CSMD1: variants seen among roughly 807,000 people sequenced by gnomAD.
The protein encoded by CSMD1 is CUB and sushi domain-containing protein 1.
A neutral mutation model predicts 417.5 loss-of-function variants in CSMD1; 213 were observed. The observed-to-expected ratio is 0.51, with a 90% CI of 0.46 to 0.57. The LOEUF (loss-of-function observed/expected upper bound fraction) is 0.57. CSMD1 is among the 20% of genes least tolerant of loss of function. CSMD1 has a pLI of 0.00. For missense variants in CSMD1, 6,923 were observed against 4,529.7 expected, an observed-to-expected ratio of 1.53 and a Z score of -15.17; for synonymous variants, 2,862 against 1,736.8, an observed-to-expected ratio of 1.65 and a Z score of -16.11.
intron 1 of CSMD1, among the ~76,000 whole-genome samples, chr8:4,766,676 C>A (rs991718954): frequency 3.9e-5 from 6 of 152,196 alleles, no homozygotes; most frequent in Non-Finnish European, 7.3e-5. Context: ...CCCATGGTGG[C>A]TCCTGAGGGA....
intron 5 of CSMD1, among the ~76,000 whole-genome samples, chr8:3,928,129 T>G (rs760883480): frequency 6.6e-6 from 1 of 152,148 alleles, no homozygotes; most frequent in Admixed American, 6.5e-5. Flanking sequence ...AAACTATCTA[T>G]AGATTTAATT....
At chr8:3,095,023 A>T (rs561077451) in intron 47 of CSMD1, among the ~76,000 whole-genome samples, 1 of 152,300 alleles carries the variant, frequency 6.6e-6, no homozygotes, top group East Asian at 1.9e-4. Context: ...CCTGTTGTTT[A>T]TAATGGCTAT....
intron 3 of CSMD1, among the ~76,000 whole-genome samples, chr8:4,110,656 G>T (rs369580043): frequency 6.6e-6 from 1 of 152,026 alleles, no homozygotes; most frequent in East Asian, 1.9e-4. Flanking sequence ...GTGCATGTGT[G>T]TGTTTCTATA....
At chr8:4,254,327 C>A (rs896452688) in intron 3 of CSMD1, among the ~76,000 whole-genome samples, 3 of 152,110 alleles carry the variant, frequency 2.0e-5, no homozygotes, top group Non-Finnish European at 4.4e-5. Flanking sequence ...TGATAACATT[C>A]GTTCTATGGA....
intron 3 of CSMD1, among the ~76,000 whole-genome samples, chr8:4,053,474 G>A (rs559586542): frequency 6.6e-6 from 1 of 151,832 alleles, no homozygotes; most frequent in African/African-American, 2.4e-5. Flanking sequence ...TCAAGGTTTT[G>A]GCCAACGCAA....
intron 21 of CSMD1, among the ~76,000 whole-genome samples, chr8:3,350,204 GTTATAATACCTATAATAACCTATAATAAC>G: frequency 1.6e-5 from 2 of 125,956 alleles, no homozygotes; most frequent in Admixed American, 8.6e-5. Flanking sequence ...GTATGTGTGT[GTTATAATACCTATAATAACCTATAATAAC>G]TTGTGTATGT....
At chr8:3,798,088 G>A (rs989246222) in intron 5 of CSMD1, among the ~76,000 whole-genome samples, 4 of 151,866 alleles carry the variant, frequency 2.6e-5, no homozygotes, top group African/African-American at 4.8e-5. Flanking sequence ...GATGATTGAA[G>A]TCTTAGTGGG....
intron 49 of CSMD1, among the ~76,000 whole-genome samples, chr8:3,057,169 C>T (rs1812286753): frequency 6.6e-6 from 1 of 152,116 alleles, no homozygotes; most frequent in African/African-American, 2.4e-5. Flanking sequence ...CACGCAAACA[C>T]ACACACACGT....
intron 1 of CSMD1, among the ~76,000 whole-genome samples, chr8:4,743,228 A>C (rs1810736866): frequency 1.3e-5 from 2 of 152,312 alleles, no homozygotes; most frequent in Non-Finnish European, 2.9e-5. Flanking sequence ...ACATTATTTT[A>C]GACATAATCT....
At position 3,452,057 on chromosome 8, in the gene CSMD1, T is replaced by A. The variant is rs181805325; in HGVS notation, c.1561+16655A>T. ...ATCCCTTGTAAGTTGGATTCCTAGG[T>A]ATTTTATTCTCTTTGAAGCAATTGT... On this transcript the variant is annotated intron_variant, in intron 12 of 69. Transcript: ENST00000635120. 5.1e-3 allele frequency among the ~76,000 whole-genome samples: 770 copies of A among 152,320 alleles called. 7 individuals are homozygous for A. Among genetic ancestry groups the A allele is most frequent in the Middle Eastern group, 0.014 (4 of 294 alleles).
At chr8:4,169,243 T>C (rs1797627553) in intron 3 of CSMD1, among the ~76,000 whole-genome samples, 1 of 152,160 alleles carries the variant, frequency 6.6e-6, no homozygotes, top group South Asian at 2.1e-4. Context: ...TTCTCAATAC[T>C]GCACACAGAT....
At chr8:4,454,431 C>T (rs547035509) in intron 2 of CSMD1, among the ~76,000 whole-genome samples, 2 of 152,284 alleles carry the variant, frequency 1.3e-5, no homozygotes, top group East Asian at 1.9e-4. Flanking sequence ...GGATACCCTA[C>T]CCTAGTCTGG....
intron 49 of CSMD1, among the ~76,000 whole-genome samples, chr8:3,063,425 T>G (rs1039394194): frequency 6.6e-6 from 1 of 152,248 alleles, no homozygotes; most frequent in Non-Finnish European, 1.5e-5. Flanking sequence ...ACAGCCACTG[T>G]TGATGACCTA....
rs186097681 is a variant in CSMD1, at chr8:4,483,328, C to T, written c.303-63263G>A. Among the ~76,000 whole-genome samples, 22 of 152,240 alleles carry T rather than the reference C, an allele frequency of 1.4e-4. No homozygotes were observed. In the East Asian group the frequency reaches 1.7e-3, roughly 12 times the overall value. The stretch of plus-strand genomic sequence containing the variant: ...AGACCAGTCTCGGATATGTGTTTAT[C>T]GGCAGCATGAAAATGAACAAATACA... On this transcript the variant is annotated intron_variant, in intron 2 of 69. Coordinates refer to ENST00000635120, the MANE Select transcript of CSMD1 (RefSeq NM_033225.6).
At chr8:4,260,291 G>T (rs1160548268) in intron 3 of CSMD1, among the ~76,000 whole-genome samples, 4 of 152,048 alleles carry the variant, frequency 2.6e-5, no homozygotes, top group Admixed American at 2.6e-4. Context: ...TTTGTTCATT[G>T]AACATCAATT....
At chr8:4,248,570 T>A (rs1331668181) in intron 3 of CSMD1, among the ~76,000 whole-genome samples, 1 of 152,162 alleles carries the variant, frequency 6.6e-6, no homozygotes, top group Non-Finnish European at 1.5e-5. Flanking sequence ...TTTGGCTAAC[T>A]CTCTCACCTC....
chr8:3,647,068 T>G (rs906360062), intron 7 of CSMD1, among the ~76,000 whole-genome samples: 3 of 152,210 alleles, frequency 2.0e-5, no homozygotes, highest in African/African-American at 7.2e-5. Context: ...GGTTTTCTTT[T>G]GTGAAGTGGA....
intron 5 of CSMD1, among the ~76,000 whole-genome samples, chr8:3,871,907 T>C (rs1292962311): frequency 1.3e-5 from 2 of 152,182 alleles, no homozygotes; most frequent in Non-Finnish European, 2.9e-5. Flanking sequence ...AAAGATAAAA[T>C]GAATTAACGT....
chr8:3,240,086 C>T (rs972388458), intron 26 of CSMD1, among the ~76,000 whole-genome samples: 5 of 152,134 alleles, frequency 3.3e-5, no homozygotes, highest in Non-Finnish European at 4.4e-5. Flanking sequence ...AGGGTGGTGG[C>T]GGCTGCCACA....
Sources: gnomAD v4.1 joint callset for allele counts (sites outside exome capture counted in the v4.1 genomes callset) on GRCh38, gnomAD v4.1.1 for gene constraint, MANE v1.5 for transcripts, NCBI Gene and HGNC (gene_info 2026-07-23, HGNC 2026-07-21) for gene names.